Variants in PALMD observed in about 807,000 individuals in gnomAD.
PALMD encodes the protein paralemmin-like protein.
In PALMD, 42 loss-of-function variants were observed where a neutral mutation model predicts 56.2. The ratio of observed to expected loss-of-function variants is 0.75; its 90% CI spans 0.58 to 0.97. The LOEUF (loss-of-function observed/expected upper bound fraction) is 0.97. PALMD is among the 50% of genes least tolerant of loss of function. The probability of loss-of-function intolerance (pLI) is 0.00; values close to 1 mark genes in which losing one functional copy is unlikely to be tolerated. For missense variants in PALMD, 660 were observed against 643.8 expected, an observed-to-expected ratio of 1.03 and a Z score of -0.27; for synonymous variants, 242 against 222.9, an observed-to-expected ratio of 1.09 and a Z score of -0.76.
At chr1:99,667,912 A>G in intron 3 of PALMD, 146 bp downstream of exon 3, 3 of 696,314 alleles carry the variant, frequency 4.3e-6, no homozygotes, top group Non-Finnish European at 7.1e-6. Context: ...ACGCTTTCAC[A>G]CTGTCACCCA....
chr1:99,649,228 A>G (rs181081092), intron 1 of PALMD, among the ~76,000 whole-genome samples: 97 of 152,332 alleles, frequency 6.4e-4, no homozygotes, highest in Non-Finnish European at 1.1e-3. Flanking sequence ...CCCTTTGCCT[A>G]GAAGTTCAGT....
intron 3 of PALMD, among the ~76,000 whole-genome samples, chr1:99,677,303 A>G (rs1360175642): frequency 6.6e-6 from 1 of 152,132 alleles, no homozygotes; most frequent in Non-Finnish European, 1.5e-5. Flanking sequence ...CATTCCCCAT[A>G]AAGTTACACA....
At chr1:99,647,577 T>A (rs1652470723) in intron 1 of PALMD, among the ~76,000 whole-genome samples, 1 of 152,208 alleles carries the variant, frequency 6.6e-6, no homozygotes, top group Non-Finnish European at 1.5e-5. Context: ...TGGTCGGGAT[T>A]ATTGTTTGTT....
chr1:99,659,207 G>A (rs1302184800), intron 1 of PALMD, among the ~76,000 whole-genome samples: 1 of 152,156 alleles, frequency 6.6e-6, no homozygotes, highest in East Asian at 1.9e-4. Context: ...ATATGTGATT[G>A]TGTTAATATC....
Position 99,689,387 on chromosome 1 carries a change from T to C in PALMD, c.1127T>C (p.Phe376Ser). Reference sequence around the variant, plus strand: ...AGGCTGAGCCCCAGAGAGACAATATTTGGGAAATCTGAACACCAGAATTCT... The same window carrying C: ...AGGCTGAGCCCCAGAGAGACAATATCTGGGAAATCTGAACACCAGAATTCT... ...KPRLSPRETI[F>S]GKSEHQNSSP... The change falls in exon 7 of 8, where the codon TTT (phenylalanine) becomes TCT (serine). Residue 376 changes from phenylalanine (F) to serine (S), a missense_variant. Transcript: ENST00000263174. The C allele has an allele frequency of 6.8e-6, 11 of 1,613,754 alleles. No individual in the cohort carries two copies. The highest frequency in any genetic ancestry group is 9.3e-6 in the Non-Finnish European group (11 of 1,179,894).
chr1:99,648,202 T>C (rs1171032745), intron 1 of PALMD, among the ~76,000 whole-genome samples: 2 of 152,112 alleles, frequency 1.3e-5, no homozygotes, highest in African/African-American at 2.4e-5. Context: ...GGGAAAAAAC[T>C]GGAAAAAGTT....
At chr1:99,693,579 C>A (rs929510234) in intron 7 of PALMD, among the ~76,000 whole-genome samples, 2 of 152,146 alleles carry the variant, frequency 1.3e-5, no homozygotes, top group African/African-American at 4.8e-5. Flanking sequence ...AAGGCCAGAG[C>A]TCCTTTGGGA....
intron 1 of PALMD, among the ~76,000 whole-genome samples, chr1:99,651,335 G>A (rs1486140865): frequency 1.3e-5 from 2 of 152,154 alleles, no homozygotes; most frequent in African/African-American, 4.8e-5. Flanking sequence ...TGATAACTGG[G>A]GAAGGTTTTT....
chr1:99,663,228 A>G (rs1652887622), intron 2 of PALMD, among the ~76,000 whole-genome samples: 1 of 152,198 alleles, frequency 6.6e-6, no homozygotes, highest in African/African-American at 2.4e-5. Flanking sequence ...CTCTGAAAAA[A>G]AACATAATTT....
chr1:99,688,981 G>T lies in PALMD; in HGVS notation c.721G>T (p.Glu241Ter). 3 of 1,613,616 alleles carry T rather than the reference G, an allele frequency of 1.9e-6. No homozygotes were observed. The highest frequency in any genetic ancestry group is 2.5e-6 in the Non-Finnish European group (3 of 1,179,726). The change falls in exon 7 of 8, where the codon GAA (glutamate) becomes TAA (stop). Residue 241 changes from glutamate (E) to a stop codon, truncating the protein, a stop_gained. Transcript: ENST00000263174. LOFTEE classifies it high-confidence loss of function. ...TGGCCTGGCACCAGTTGAAGTAGAG[G>T]AACTTCTAAGACAAGCCTCAGAGAG... ...TDGLAPVEVE[E>*]LLRQASERNS...
Position 99,689,879 on chromosome 1 carries a change from A to T in PALMD, c.1612+7A>T. On this transcript the variant is annotated splice_region_variant and intron_variant, in intron 7 of 7. Coordinates refer to ENST00000263174, the MANE Select transcript of PALMD (RefSeq NM_017734.5). ...GAGGATCCATCCTTAACAGGTAATA[A>T]AAATGACAAGGCATGCCACTGCTGT... The T allele has an allele frequency of 6.3e-7, 1 of 1,585,938 alleles. No homozygotes were observed. Among genetic ancestry groups the T allele is most frequent in the South Asian group, 1.2e-5 (1 of 86,872 alleles).
intron 7 of PALMD, among the ~76,000 whole-genome samples, chr1:99,691,678 G>A (rs544294518): frequency 4.2e-4 from 64 of 152,092 alleles, no homozygotes; most frequent in African/African-American, 1.4e-3. Flanking sequence ...AACCACCTAC[G>A]TACTTCCATT....
chr1:99,647,019 G>A (rs1310882682), intron 1 of PALMD, among the ~76,000 whole-genome samples: 1 of 152,098 alleles, frequency 6.6e-6, no homozygotes, highest in Non-Finnish European at 1.5e-5. Flanking sequence ...AAAATATTTT[G>A]TTAATACCGA....
At chr1:99,646,405 G>C in intron 1 of PALMD, 43 bp downstream of exon 1, 1 of 1,499,886 alleles carries the variant, frequency 6.7e-7, no homozygotes. Flanking sequence ...TTGTTACTTA[G>C]AGGAAGGCAG....
chr1:99,662,417 T>A lies in PALMD; in HGVS notation c.126+18T>A, dbSNP rs748226040. 8 of 1,326,222 alleles carry A rather than the reference T, an allele frequency of 6.0e-6. No homozygotes were observed. Among genetic ancestry groups the A allele is most frequent in the Non-Finnish European group, 8.6e-6 (8 of 934,572 alleles). The allele number at this position is 1,326,222 out of a possible 1,614,324, so 82.2% of individuals were successfully genotyped here. On this transcript the variant is annotated intron_variant, in intron 2 of 7. Coordinates refer to ENST00000263174, the MANE Select transcript of PALMD (RefSeq NM_017734.5). ...ATTTGAAGGTAATTTATGGCTTTAATTTCATTTCAATGATTTTGTATTCAA... is the reference window on the plus strand; with the variant it reads ...ATTTGAAGGTAATTTATGGCTTTAAATTCATTTCAATGATTTTGTATTCAA...
At chr1:99,682,323 T>C (rs1428195041) in intron 3 of PALMD, among the ~76,000 whole-genome samples, 2 of 152,200 alleles carry the variant, frequency 1.3e-5, no homozygotes, top group Non-Finnish European at 2.9e-5. Flanking sequence ...TTCCTAGTTA[T>C]CCTTTTCAAC....
At chr1:99,678,922 G>C (rs1194304091) in intron 3 of PALMD, among the ~76,000 whole-genome samples, 1 of 151,452 alleles carries the variant, frequency 6.6e-6, no homozygotes, top group East Asian at 1.9e-4. Context: ...CTTGAGCCCA[G>C]GAGTTAAAGA....
In PALMD at chr1:99,688,831, G is replaced by T; in HGVS notation, c.571G>T (p.Val191Phe). 6.2e-7 allele frequency: 1 copy of T among 1,611,016 alleles called. No homozygotes were observed. Among genetic ancestry groups the T allele is most frequent in the African/African-American group, 1.3e-5 (1 of 74,926 alleles). Residue 191 changes from valine to phenylalanine, a missense_variant, in exon 7 of 8, where the codon GTT becomes TTT. Transcript: ENST00000263174. The part of the protein sequence containing the change: ...EKDLKTGEST[V>F]LSSIPLPSDD... ...AGACTTGAAGACTGGAGAAAGTACA[G>T]TTCTGTCTTCAATACCTCTGCCATC... is the stretch of plus-strand genomic sequence containing the variant.
intron 7 of PALMD, 41 bp from the exon 8 acceptor site, chr1:99,693,978 G>A: frequency 6.8e-7 from 1 of 1,465,494 alleles, no homozygotes; most frequent in African/African-American, 1.4e-5. Flanking sequence ...AAAAATTGAG[G>A]ATTTTTTTTA....
Sources: allele counts gnomAD v4.1 joint callset (sites outside exome capture counted in the v4.1 genomes callset), GRCh38; gene constraint gnomAD v4.1.1; transcripts MANE v1.5; gene names NCBI Gene and HGNC (gene_info 2026-07-23, HGNC 2026-07-21).